OR5AS1: variants seen among roughly 807,000 people sequenced by gnomAD.
OR5AS1 encodes the protein olfactory receptor 5AS1.
For synonymous variants in OR5AS1, 196 were observed against 141.7 expected (o/e 1.38, Z -2.72); for missense variants, 492 against 378.2 (o/e 1.30, Z -2.50).
chr11:56,037,812 G>T lies in OR5AS1; in HGVS notation c.*6419G>T, dbSNP rs1853424238. 6.6e-6 allele frequency: 1 copy of T among 151,340 alleles called. No homozygotes were observed. Among genetic ancestry groups the T allele is most frequent in the South Asian group, 2.1e-4 (1 of 4,810 alleles). 9.4% of individuals were successfully genotyped at this position (151,340 alleles called of 1,614,324 possible). On this transcript the variant is annotated 3_prime_UTR_variant, in exon 2 of 2. Transcript: ENST00000641320. ...ACCAGAAAACAGCCCATGTAGCCCA[G>T]GCAATCCTAAGCAAAAAGAACAAAG...
At position 56,038,057 on chromosome 11, in the gene OR5AS1, G is replaced by A. The variant is rs924581926; in HGVS notation, c.*6664G>A. The A allele has an allele frequency of 6.6e-6, 1 of 152,052 alleles. No individual in the cohort carries two copies. Among genetic ancestry groups the A allele is most frequent in the Non-Finnish European group, 1.5e-5 (1 of 68,020 alleles). The allele number at this position is 152,052 out of a possible 1,614,324, so 9.4% of individuals were successfully genotyped here. A position where few individuals can be genotyped will look rare whatever the true frequency, so the allele number is the denominator to read the frequency against. On this transcript the variant is annotated 3_prime_UTR_variant, in exon 2 of 2. Coordinates refer to ENST00000641320, the MANE Select transcript of OR5AS1 (RefSeq NM_001001921.2). ...TTTAATAAATGGTGTTGGGAAAACT[G>A]GCTAGCCATATGCAGAAAGCAGAAA...
At position 56,031,261 on chromosome 11, in the gene OR5AS1, A is replaced by G; in HGVS notation, c.843A>G (p.Val281=). Residue 281 remains valine (V), a synonymous_variant, in exon 2 of 2, where the codon GTA becomes GTG. Coordinates refer to ENST00000641320, the MANE Select transcript of OR5AS1 (RefSeq NM_001001921.2). ...TGGTGGCAGTGTTTTATACTGTTGT[A>G]TTTCCCATGTTTAATCCAATAATTT... ...DKVVAVFYTV[V]FPMFNPIIYS... 1.2e-6 allele frequency: 2 copies of G among 1,613,722 alleles called. No homozygotes were observed. Among genetic ancestry groups the G allele is most frequent in the South Asian group, 1.1e-5 (1 of 91,076 alleles).
Position 56,036,305 on chromosome 11 carries a change from G to A in OR5AS1, c.*4912G>A, listed in dbSNP as rs1853404144. On this transcript the variant is annotated 3_prime_UTR_variant, in exon 2 of 2. Transcript: ENST00000641320. ...TCAGAGCAGAACTGAAGGAGATAGA[G>A]ACATGAAAAACCCTTCAAAAAATCA... is the stretch of plus-strand genomic sequence containing the variant. 1 of 152,022 alleles carries A rather than the reference G, an allele frequency of 6.6e-6. No individual in the cohort carries two copies. The highest frequency in any genetic ancestry group is 6.6e-5 in the Admixed American group (1 of 15,256). The allele number at this position is 152,022 out of a possible 1,614,324, so 9.4% of individuals were successfully genotyped here.
At position 56,032,417 on chromosome 11, in the gene OR5AS1, G is replaced by A. The variant is rs7125843; in HGVS notation, c.*1024G>A. ...ATCGATTTTGATAATTAAATTATCAGATTTTTTGTGGTTTATTCTGATCTT... is the reference window on the plus strand; with the variant it reads ...ATCGATTTTGATAATTAAATTATCAAATTTTTTGTGGTTTATTCTGATCTT... On this transcript the variant is annotated 3_prime_UTR_variant, in exon 2 of 2. Transcript: ENST00000641320. The A allele has an allele frequency of 6.6e-6, 1 of 152,010 alleles. No homozygotes were observed. The highest frequency in any genetic ancestry group is 1.9e-4 in the East Asian group (1 of 5,184). The allele number at this position is 152,010 out of a possible 1,614,324, so 9.4% of individuals were successfully genotyped here.
rs1476587681 is a variant in OR5AS1 at position 56,032,503 on chromosome 11, T to G, written c.*1110T>G. 6.6e-6 allele frequency: 1 copy of G among 152,236 alleles called. No homozygotes were observed. Among genetic ancestry groups the G allele is most frequent in the East Asian group, 1.9e-4 (1 of 5,182 alleles). 9.4% of individuals were successfully genotyped at this position (152,236 alleles called of 1,614,324 possible). A position where few individuals can be genotyped will look rare whatever the true frequency, so the allele number is the denominator to read the frequency against. On this transcript the variant is annotated 3_prime_UTR_variant, in exon 2 of 2. Coordinates refer to ENST00000641320, the MANE Select transcript of OR5AS1 (RefSeq NM_001001921.2). ...TTGACAAAGTTAAAGTGATACACCA[T>G]GTACATGTGAAATAAAAAAGTGTGC...
At chr11:56,027,931 A>G (rs916376964) in intron 1 of OR5AS1, among the ~76,000 whole-genome samples, 1 of 151,752 alleles carries the variant, frequency 6.6e-6, no homozygotes, top group Admixed American at 6.6e-5. Flanking sequence ...AGAAAAAAAA[A>G]TGTCACGCCC....
intron 1 of OR5AS1, 29 bp downstream of exon 1, chr11:56,027,741 C>A (rs1001825263): frequency 4.0e-5 from 6 of 151,732 alleles, no homozygotes; most frequent in African/African-American, 1.5e-4. Flanking sequence ...AAAGCATTAA[C>A]AAAATGTTTG....
rs147093456 is a variant in OR5AS1, at chr11:56,029,530, GCA to G, written c.-28-841_-28-840del. Among the ~76,000 whole-genome samples the G allele has an allele frequency of 4.0e-3, 592 of 149,208 alleles. 6 individuals are homozygous for G. The highest frequency in any genetic ancestry group is 0.014 in the African/African-American group (566 of 40,632). On this transcript the variant is annotated intron_variant, in intron 1 of 1. Coordinates refer to ENST00000641320, the MANE Select transcript of OR5AS1 (RefSeq NM_001001921.2). ...ATGCCAAACAATACATTTGTATATA[GCA>G]CACACACACACACACACACGACTTA... is the stretch of plus-strand genomic sequence containing the variant.
At chr11:56,028,099 T>G (rs1212979374) in intron 1 of OR5AS1, among the ~76,000 whole-genome samples, 1 of 152,060 alleles carries the variant, frequency 6.6e-6, no homozygotes, top group Non-Finnish European at 1.5e-5. Flanking sequence ...GTTAATTGTT[T>G]GTGTTTGTTC....
Position 56,032,967 on chromosome 11 carries a change from A to C in OR5AS1, c.*1574A>C, listed in dbSNP as rs538650202. On this transcript the variant is annotated 3_prime_UTR_variant, in exon 2 of 2. Transcript: ENST00000641320. ...ACTGGTTAGACAGTGGGTGCAGCCC[A>C]TGGTGGGTGAGCAGAAGCAGGGTGG... 1 of 152,630 alleles carries C rather than the reference A, an allele frequency of 6.6e-6. No homozygotes were observed. The highest frequency in any genetic ancestry group is 2.1e-4 in the South Asian group (1 of 4,828). The allele number at this position is 152,630 out of a possible 1,614,324, so 9.5% of individuals were successfully genotyped here. A position where few individuals can be genotyped will look rare whatever the true frequency, so the allele number is the denominator to read the frequency against.
chr11:56,028,615 C>T (rs1853318118), intron 1 of OR5AS1, among the ~76,000 whole-genome samples: 1 of 152,044 alleles, frequency 6.6e-6, no homozygotes, highest in African/African-American at 2.4e-5. Flanking sequence ...GATTTCAGTT[C>T]AGAGCAGCGT....
At chr11:56,030,217 A>T (rs1361500941) in intron 1 of OR5AS1, among the ~76,000 whole-genome samples, 174 bp from the exon 2 acceptor site, 4 of 152,138 alleles carry the variant, frequency 2.6e-5, no homozygotes, top group Admixed American at 6.6e-5. Flanking sequence ...ATCAATGGTG[A>T]TCTTTAATTA....
Position 56,030,760 on chromosome 11 carries a change from C to T in OR5AS1, c.342C>T (p.Ile114=). The T allele has an allele frequency of 6.2e-7, 1 of 1,613,630 alleles. No individual in the cohort carries two copies. The highest frequency in any genetic ancestry group is 8.5e-7 in the Non-Finnish European group (1 of 1,179,632). Residue 114 remains isoleucine (I), a synonymous_variant, in exon 2 of 2, where the codon ATC becomes ATT. Coordinates refer to ENST00000641320, the MANE Select transcript of OR5AS1 (RefSeq NM_001001921.2). ...CTTTTGCTGATGCTGAGTGCCTTAT[C>T]CTGGCAGCAATGGCTTATGACCGCT... ...FASFADAECL[I]LAAMAYDRYA... is the part of the protein sequence containing the mutation.
rs1289958429 is a variant in OR5AS1 at position 56,035,056 on chromosome 11, G to A, written c.*3663G>A. 1 of 152,126 alleles carries A rather than the reference G, an allele frequency of 6.6e-6. No individual in the cohort carries two copies. The highest frequency in any genetic ancestry group is 1.9e-4 in the East Asian group (1 of 5,204). The allele number at this position is 152,126 out of a possible 1,614,324, so 9.4% of individuals were successfully genotyped here. A position where few individuals can be genotyped will look rare whatever the true frequency, so the allele number is the denominator to read the frequency against. Reference sequence around the variant, plus strand: ...GTGGAGGGAAATAAAATCCTTTACAGAAAAGCAAATGCTGAGAGATTTTGT... The same window carrying A: ...GTGGAGGGAAATAAAATCCTTTACAAAAAAGCAAATGCTGAGAGATTTTGT... On this transcript the variant is annotated 3_prime_UTR_variant, in exon 2 of 2. Coordinates refer to ENST00000641320, the MANE Select transcript of OR5AS1 (RefSeq NM_001001921.2).
Position 56,036,269 on chromosome 11 carries a change from A to C in OR5AS1, c.*4876A>C, listed in dbSNP as rs1407893756. Reference sequence around the variant, plus strand: ...AATTCAAAAGCCTCAGAAGACAAGAAATAACTAAGATCAGAGCAGAACTGA... The same window carrying C: ...AATTCAAAAGCCTCAGAAGACAAGACATAACTAAGATCAGAGCAGAACTGA... On this transcript the variant is annotated 3_prime_UTR_variant, in exon 2 of 2. Transcript: ENST00000641320. 4 of 152,106 alleles carry C rather than the reference A, an allele frequency of 2.6e-5. No individual in the cohort carries two copies. Among genetic ancestry groups the C allele is most frequent in the Admixed American group, 6.5e-5 (1 of 15,276 alleles). The allele number at this position is 152,106 out of a possible 1,614,324, so 9.4% of individuals were successfully genotyped here. A position where few individuals can be genotyped will look rare whatever the true frequency, so the allele number is the denominator to read the frequency against.
At chr11:56,028,894 A>G (rs1853320657) in intron 1 of OR5AS1, among the ~76,000 whole-genome samples, 1 of 152,116 alleles carries the variant, frequency 6.6e-6, no homozygotes, top group Admixed American at 6.5e-5. Context: ...AGGGTTGGCC[A>G]GGAATAATAG....
In OR5AS1 at chr11:56,031,220, C is replaced by T; in HGVS notation, c.802C>T (p.Leu268=). Residue 268 remains leucine, a synonymous_variant, in exon 2 of 2, where the codon CTA becomes TTA. Transcript: ENST00000641320. ...CTTACAGCCCACCACTAGCTATTCC[C>T]TAGACACTGATAAGGTGGTGGCAGT... The part of the protein sequence containing the change: ...MYLQPTTSYS[L]DTDKVVAVFY... The T allele has an allele frequency of 1.2e-6, 2 of 1,613,466 alleles. No homozygotes were observed. Among genetic ancestry groups the T allele is most frequent in the East Asian group, 4.5e-5 (2 of 44,866 alleles).
At position 56,030,743 on chromosome 11, in the gene OR5AS1, G is replaced by T; in HGVS notation, c.325G>T (p.Asp109Tyr). 1 of 1,612,670 alleles carries T rather than the reference G, an allele frequency of 6.2e-7. No individual in the cohort carries two copies. The highest frequency in any genetic ancestry group is 8.5e-7 in the Non-Finnish European group (1 of 1,178,966). ...AATGTTTTTCTTCGCTTCTTTTGCTGATGCTGAGTGCCTTATCCTGGCAGC... is the reference window on the plus strand; with the variant it reads ...AATGTTTTTCTTCGCTTCTTTTGCTTATGCTGAGTGCCTTATCCTGGCAGC... Reference protein sequence around the residue: ...LQMFFFASFADAECLILAAMA... With the variant: ...LQMFFFASFAYAECLILAAMA... Residue 109 changes from aspartate (D) to tyrosine (Y), a missense_variant, in exon 2 of 2, where the codon GAT becomes TAT. By Grantham distance (160) the Asp-to-Tyr change is radical. Transcript: ENST00000641320.
chr11:56,034,015 G>C lies in OR5AS1; in HGVS notation c.*2622G>C, dbSNP rs139265761. ...TCCAGCAAACTCCAGCAGACCTGCA[G>C]CAGAGGGGCCTGACAATTAAAAGGA... On this transcript the variant is annotated 3_prime_UTR_variant, in exon 2 of 2. Coordinates refer to ENST00000641320, the MANE Select transcript of OR5AS1 (RefSeq NM_001001921.2). 4 of 152,650 alleles carry C rather than the reference G, an allele frequency of 2.6e-5. No individual in the cohort carries two copies. Among genetic ancestry groups the C allele is most frequent in the African/African-American group, 9.6e-5 (4 of 41,514 alleles). 9.5% of individuals were successfully genotyped at this position (152,650 alleles called of 1,614,324 possible).
Sources: gnomAD v4.1 joint callset for allele counts (sites outside exome capture counted in the v4.1 genomes callset) on GRCh38, gnomAD v4.1.1 for gene constraint, MANE v1.5 for transcripts, NCBI Gene and HGNC (gene_info 2026-07-23, HGNC 2026-07-21) for gene names.